Variants in NPSR1 observed in about 807,000 individuals in gnomAD.
NPSR1 encodes neuropeptide S receptor.
NPSR1 carries 48 observed loss-of-function variants against 46.9 expected under a neutral mutation model. That is an observed-to-expected ratio of 1.02 (90% CI 0.81 to 1.30). The LOEUF (loss-of-function observed/expected upper bound fraction) is 1.30. Among genes scored for constraint, NPSR1 ranks in the 50% most tolerant of loss-of-function variants. NPSR1 has a pLI of 0.00. For missense variants in NPSR1, 450 were observed against 449.5 expected (o/e 1.00, Z -0.01); for synonymous variants, 176 against 168.1 (o/e 1.05, Z -0.36).
chr7:34,827,072 A>G (rs1782551368), intron 4 of NPSR1, among the ~76,000 whole-genome samples: 1 of 152,204 alleles, frequency 6.6e-6, no homozygotes, highest in South Asian at 2.1e-4. Flanking sequence ...GCAACTTACC[A>G]AATGTACATG....
chr7:34,849,727 G>T lies in NPSR1; in HGVS notation c.*72G>T. On this transcript the variant is annotated 3_prime_UTR_variant, in exon 9 of 9. Coordinates refer to ENST00000360581, the MANE Select transcript of NPSR1 (RefSeq NM_207172.2). ...AGGTCCTTGTCACCTGCTTGGGCAC[G>T]TGCATGGAACCCGAGCCAACTTCAC... 1 of 1,591,800 alleles carries T rather than the reference G, an allele frequency of 6.3e-7. No homozygotes were observed. The highest frequency in any genetic ancestry group is 8.6e-7 in the Non-Finnish European group (1 of 1,169,334).
intron 5 of NPSR1, 169 bp from the exon 6 acceptor site, chr7:34,834,215 T>C: frequency 1.6e-6 from 1 of 610,610 alleles, no homozygotes. Context: ...TGGATCCTCA[T>C]GGTCACTTTC....
chr7:34,747,896 G>C (rs1039093088), intron 2 of NPSR1, among the ~76,000 whole-genome samples: 1 of 152,152 alleles, frequency 6.6e-6, no homozygotes, highest in Non-Finnish European at 1.5e-5. Context: ...TGGGTGGGAC[G>C]AGTTAAAGAA....
intron 2 of NPSR1, among the ~76,000 whole-genome samples, chr7:34,730,255 G>A (rs576287105): frequency 6.6e-5 from 10 of 152,260 alleles, no homozygotes; most frequent in African/African-American, 2.4e-4. Context: ...AAGTGCATTT[G>A]AAATGAATAG....
chr7:34,666,193 G>C lies in NPSR1; in HGVS notation c.147+7634G>C, dbSNP rs964364063. Among the ~76,000 whole-genome samples the C allele has an allele frequency of 7.2e-5, 11 of 152,308 alleles. No homozygotes were observed. In the East Asian group the frequency reaches 9.6e-4, roughly 13 times the overall value. On this transcript the variant is annotated intron_variant, in intron 1 of 8. Transcript: ENST00000360581. ...TTATTTAGTAATGATGAGGAATAAT[G>C]ATGATGCTATCGGATTTTGGGAAAA...
At chr7:34,789,084 A>T (rs951392343) in intron 3 of NPSR1, among the ~76,000 whole-genome samples, 1 of 152,104 alleles carries the variant, frequency 6.6e-6, no homozygotes, top group Non-Finnish European at 1.5e-5. Flanking sequence ...GCAAAAATTT[A>T]AAATATCTTA....
chr7:34,823,410 AAAAAAAC>A lies in NPSR1; in HGVS notation c.479-3988_479-3982del, dbSNP rs982703242. Among the ~76,000 whole-genome samples the A allele has an allele frequency of 3.4e-5, 5 of 146,698 alleles. 1 individual carries two copies. Among genetic ancestry groups the A allele is most frequent in the African/African-American group, 7.9e-5 (3 of 37,806 alleles). On this transcript the variant is annotated intron_variant, in intron 4 of 8. Coordinates refer to ENST00000360581, the MANE Select transcript of NPSR1 (RefSeq NM_207172.2). ...GCAAGACTTCACCAGAAAAAAAAAA[AAAAAAAC>A]AACACCATAAATGAATAGAAAATGT...
rs150992635 is a variant in NPSR1, at chr7:34,849,464, C to T, written c.1026-101C>T. The T allele has an allele frequency of 1.2e-3, 1,861 of 1,601,958 alleles. 2 individuals are homozygous for T. Among genetic ancestry groups the T allele is most frequent in the Non-Finnish European group, 1.4e-3 (1,632 of 1,169,458 alleles). On this transcript the variant is annotated intron_variant, in intron 8 of 8. Transcript: ENST00000360581. ...TAAAGTGCCTGGCACAGTTGTCTGACATTTAATACATTTTTCATAACTATT... is the reference window on the plus strand; with the variant it reads ...TAAAGTGCCTGGCACAGTTGTCTGATATTTAATACATTTTTCATAACTATT...
rs547954402 is a variant in NPSR1, at chr7:34,660,409, A to G, written c.147+1850A>G. Among the ~76,000 whole-genome samples, 7 of 152,288 alleles carry G rather than the reference A, an allele frequency of 4.6e-5. No individual in the cohort carries two copies. The East Asian group carries it at 1.4e-3, about 29-fold the overall frequency. On this transcript the variant is annotated intron_variant, in intron 1 of 8. Coordinates refer to ENST00000360581, the MANE Select transcript of NPSR1 (RefSeq NM_207172.2). ...CTATGATCCCCTTTGGGCACAAGCA[A>G]TTCTAATGCATTGTTGATACAGAAA...
At chr7:34,667,526 A>C (rs1188786635) in intron 1 of NPSR1, among the ~76,000 whole-genome samples, 1 of 152,056 alleles carries the variant, frequency 6.6e-6, no homozygotes, top group African/African-American at 2.4e-5. Context: ...CCGCCTTTCC[A>C]CTTACTCAGA....
At chr7:34,768,677 T>C (rs1345996340) in intron 2 of NPSR1, among the ~76,000 whole-genome samples, 1 of 152,218 alleles carries the variant, frequency 6.6e-6, no homozygotes, top group African/African-American at 2.4e-5. Context: ...ACTCAGTCTT[T>C]ACTTGCTGCA....
chr7:34,720,188 G>C (rs1444357566), intron 2 of NPSR1, among the ~76,000 whole-genome samples: 1 of 151,636 alleles, frequency 6.6e-6, no homozygotes, highest in East Asian at 1.9e-4. Flanking sequence ...GCTGAGGGAG[G>C]AGAATCGCTT....
At chr7:34,675,719 T>G (rs1349145674) in intron 1 of NPSR1, among the ~76,000 whole-genome samples, 1 of 152,192 alleles carries the variant, frequency 6.6e-6, no homozygotes, top group Non-Finnish European at 1.5e-5. Context: ...AAAGGAACCC[T>G]GCAATTCATC....
chr7:34,709,899 G>A (rs1783188643), intron 2 of NPSR1, among the ~76,000 whole-genome samples: 3 of 152,026 alleles, frequency 2.0e-5, no homozygotes, highest in Non-Finnish European at 4.4e-5. Context: ...TTCTTCTGTA[G>A]CAGGGCTAAC....
At chr7:34,685,926 A>G in intron 2 of NPSR1, 1 of 236,526 alleles carries the variant, frequency 4.2e-6, no homozygotes. Context: ...CACTCCTATA[A>G]CCGTAGAAGT....
At chr7:34,862,751 A>G (rs1346419103) in intron 8 of NPSR1, among the ~76,000 whole-genome samples, 2 of 151,688 alleles carry the variant, frequency 1.3e-5, no homozygotes, top group Admixed American at 1.3e-4. Flanking sequence ...ACATTGTCCA[A>G]TATAAGTGGG....
intron 6 of NPSR1, among the ~76,000 whole-genome samples, chr7:34,838,606 A>C (rs1790461088): frequency 6.6e-6 from 1 of 152,172 alleles, no homozygotes; most frequent in South Asian, 2.1e-4. Flanking sequence ...ACAGAAGCTC[A>C]CTTTGTAAAC....
chr7:34,790,839 ATATATATGTTATATGTTATGT>A (rs1562729614), intron 3 of NPSR1, among the ~76,000 whole-genome samples: 1 of 125,924 alleles, frequency 7.9e-6, no homozygotes, highest in Non-Finnish European at 1.7e-5. Context: ...ATGTTATGTT[ATATATATGTTATATGTTATGT>A]TATATATGTT....
intron 1 of NPSR1, among the ~76,000 whole-genome samples, chr7:34,667,741 A>C (rs919250522): frequency 7.2e-5 from 11 of 151,992 alleles, no homozygotes; most frequent in Non-Finnish European, 1.6e-4. Flanking sequence ...CTGCCCTCTC[A>C]CAAGCCTCTC....
Sources: allele counts gnomAD v4.1 joint callset (sites outside exome capture counted in the v4.1 genomes callset), GRCh38; gene constraint gnomAD v4.1.1; transcripts MANE v1.5; gene names NCBI Gene and HGNC (gene_info 2026-07-23, HGNC 2026-07-21).